Variants in MPDZ observed in about 807,000 individuals in gnomAD.
MPDZ encodes multiple PDZ domain protein.
A neutral mutation model predicts 239.1 loss-of-function variants in MPDZ; 234 were observed. The observed-to-expected ratio is 0.98, with a 90% CI of 0.88 to 1.09. MPDZ has a LOEUF of 1.09. MPDZ is among the 50% of genes least tolerant of loss of function. The probability of loss-of-function intolerance (pLI) is 0.00; values close to 1 mark genes in which losing one functional copy is unlikely to be tolerated. For synonymous variants in MPDZ, 1,048 were observed against 881.3 expected (o/e 1.19, Z -3.35); for missense variants, 3,175 against 2,510.0 (o/e 1.26, Z -5.66).
chr9:13,240,032 G>A (rs1164262567), intron 3 of MPDZ, among the ~76,000 whole-genome samples: 2 of 151,958 alleles, frequency 1.3e-5, no homozygotes, highest in Admixed American at 1.3e-4. Flanking sequence ...ATCATAGTGG[G>A]GAAGGTATCA....
chr9:13,211,030 G>C (rs181988745), intron 10 of MPDZ, among the ~76,000 whole-genome samples: 8 of 152,162 alleles, frequency 5.3e-5, no homozygotes, highest in Admixed American at 5.2e-4. Flanking sequence ...AAATTAGGTG[G>C]GGAGAGACAG....
rs55676259 is a variant in MPDZ at position 13,184,697 on chromosome 9, T to A, written c.2482-1112A>T. Reference sequence around the variant, plus strand: ...CTAAGCCTTGTGTCATAGATTACAATACATATTTAAGTAACATTAATGAAA... The same window carrying A: ...CTAAGCCTTGTGTCATAGATTACAAAACATATTTAAGTAACATTAATGAAA... On this transcript the variant is annotated intron_variant, in intron 18 of 46. Coordinates refer to ENST00000319217, the MANE Select transcript of MPDZ (RefSeq NM_001378778.1). Among the ~76,000 whole-genome samples the A allele has an allele frequency of 2.0e-5, 3 of 152,092 alleles. No individual in the cohort carries two copies. In the East Asian group the frequency reaches 5.8e-4, roughly 29 times the overall value.
Position 13,110,111 on chromosome 9 carries a change from C to T in MPDZ, c.5830-47G>A, listed in dbSNP as rs73404390. On this transcript the variant is annotated intron_variant, in intron 44 of 46. Coordinates refer to ENST00000319217, the MANE Select transcript of MPDZ (RefSeq NM_001378778.1). ...ACAGAAAAAACACATGTTCCTGTGG[C>T]TAGGGAAAGTAATTTTTCTTCAGAA... 256 of 1,376,156 alleles carry T rather than the reference C, an allele frequency of 1.9e-4. 1 individual carries two copies. In the African/African-American group the frequency reaches 3.3e-3, roughly 18 times the overall value. 85.2% of individuals were successfully genotyped at this position (1,376,156 alleles called of 1,614,324 possible).
At chr9:13,256,112 G>A (rs971205863) in intron 1 of MPDZ, among the ~76,000 whole-genome samples, 10 of 152,206 alleles carry the variant, frequency 6.6e-5, no homozygotes, top group Non-Finnish European at 1.3e-4. Context: ...ATGTCATACA[G>A]ATGGCTTCTT....
chr9:13,118,041 T>A (rs1332822436), intron 39 of MPDZ, among the ~76,000 whole-genome samples: 2 of 151,934 alleles, frequency 1.3e-5, no homozygotes, highest in African/African-American at 4.8e-5. Flanking sequence ...ACGGGGTTTC[T>A]CCAGGTTGGT....
intron 1 of MPDZ, among the ~76,000 whole-genome samples, chr9:13,263,518 CAAAA>C (rs990372790): frequency 2.6e-5 from 4 of 151,984 alleles, no homozygotes; most frequent in African/African-American, 9.7e-5. Context: ...CTAATTCCAG[CAAAA>C]CTAAAGGAAA....
intron 24 of MPDZ, among the ~76,000 whole-genome samples, chr9:13,155,340 T>G (rs533237410): frequency 1.3e-5 from 2 of 152,294 alleles, no homozygotes; most frequent in South Asian, 4.1e-4. Flanking sequence ...ATTCCCTAGA[T>G]AAATTTTCAT....
intron 1 of MPDZ, among the ~76,000 whole-genome samples, chr9:13,269,501 A>C (rs1467959730): frequency 6.6e-6 from 1 of 152,298 alleles, no homozygotes; most frequent in Non-Finnish European, 1.5e-5. Context: ...AATAGTGTAC[A>C]TATAGAGAGG....
At chr9:13,245,469 T>C (rs994191582) in intron 3 of MPDZ, among the ~76,000 whole-genome samples, 1 of 151,692 alleles carries the variant, frequency 6.6e-6, no homozygotes, top group Non-Finnish European at 1.5e-5. Context: ...AACTGAGTTC[T>C]AGTTCTACTC....
chr9:13,264,694 G>C (rs1971434305), intron 1 of MPDZ, among the ~76,000 whole-genome samples: 1 of 150,846 alleles, frequency 6.6e-6, no homozygotes, highest in South Asian at 2.1e-4. Context: ...TACACATTAG[G>C]GAACTATGGA....
chr9:13,201,515 C>A (rs868714576), intron 12 of MPDZ, among the ~76,000 whole-genome samples: 1 of 151,960 alleles, frequency 6.6e-6, no homozygotes, highest in Non-Finnish European at 1.5e-5. Flanking sequence ...CTTTCTAGGC[C>A]TTTTTCTCTC....
At chr9:13,252,647 G>A (rs188704021) in intron 1 of MPDZ, among the ~76,000 whole-genome samples, 21 of 150,274 alleles carry the variant, frequency 1.4e-4, no homozygotes, top group Non-Finnish European at 3.0e-4. Flanking sequence ...TCAGGAGTTC[G>A]AGACCAGCCT....
intron 3 of MPDZ, among the ~76,000 whole-genome samples, chr9:13,238,685 A>G (rs983094598): frequency 6.6e-6 from 1 of 152,200 alleles, no homozygotes; most frequent in Non-Finnish European, 1.5e-5. Context: ...TTGATGCACT[A>G]TCAAAGAAGG....
chr9:13,211,989 G>GA (rs1284773458), intron 10 of MPDZ, among the ~76,000 whole-genome samples: 2 of 151,750 alleles, frequency 1.3e-5, no homozygotes, highest in Non-Finnish European at 2.9e-5. Context: ...AGTAATAAAG[G>GA]AAAAAAATGG....
At position 13,138,023 on chromosome 9, in the gene MPDZ, C is replaced by T. The variant is rs1947096308; in HGVS notation, c.4134G>A (p.Val1378=). 3 of 1,613,836 alleles carry T rather than the reference C, an allele frequency of 1.9e-6. No homozygotes were observed. The highest frequency in any genetic ancestry group is 2.2e-5 in the East Asian group (1 of 44,826). The change falls in exon 29 of 47, where the codon GTG becomes GTA. Residue 1378 remains valine, a synonymous_variant. Coordinates refer to ENST00000319217, the MANE Select transcript of MPDZ (RefSeq NM_001378778.1). Reference sequence around the variant, plus strand: ...CTGCAGCTCCATTTGGATCAATCCCCACTATGAAGACACTCATCCTGGATC... The same window carrying T: ...CTGCAGCTCCATTTGGATCAATCCCTACTATGAAGACACTCATCCTGGATC... ...KDRSRMSVFI[V]GIDPNGAAGK... is the part of the protein sequence containing the mutation.
chr9:13,204,901 A>T, intron 12 of MPDZ, 135 bp downstream of exon 12: 1 of 471,608 alleles, frequency 2.1e-6, no homozygotes, highest in Non-Finnish European at 3.6e-6. Context: ...ATAAACAGGG[A>T]TTTACAAACT....
At chr9:13,209,906 A>G (rs148991541) in intron 10 of MPDZ, among the ~76,000 whole-genome samples, 1 of 152,130 alleles carries the variant, frequency 6.6e-6, no homozygotes, top group Non-Finnish European at 1.5e-5. Context: ...AAGGCTGGAG[A>G]CTCATAGGCT....
chr9:13,177,337 A>G (rs1952627438), intron 19 of MPDZ, among the ~76,000 whole-genome samples: 1 of 152,184 alleles, frequency 6.6e-6, no homozygotes. Flanking sequence ...CATATAGAAT[A>G]CAATATGAAG....
intron 32 of MPDZ, among the ~76,000 whole-genome samples, chr9:13,132,465 G>C (rs995908891): frequency 1.3e-5 from 2 of 152,120 alleles, no homozygotes; most frequent in Admixed American, 6.6e-5. Flanking sequence ...GTTCTGAGTA[G>C]GGGATTAAGA....
Sources: gnomAD v4.1 joint callset for allele counts (sites outside exome capture counted in the v4.1 genomes callset) on GRCh38, gnomAD v4.1.1 for gene constraint, MANE v1.5 for transcripts, NCBI Gene and HGNC (gene_info 2026-07-23, HGNC 2026-07-21) for gene names.